TCP11L2: variants seen among roughly 807,000 people sequenced by gnomAD.
TCP11L2 encodes T-complex protein 11-like protein 2.
TCP11L2 carries 39 observed loss-of-function variants against 50.7 expected under a neutral mutation model. The observed-to-expected ratio is 0.77, with a 90% CI of 0.60 to 1.01. The LOEUF is 1.01. TCP11L2 is among the 50% of genes least tolerant of loss of function. The pLI, the probability that TCP11L2 is intolerant of heterozygous loss-of-function variation, is 0.00. For missense variants in TCP11L2, 612 were observed against 614.7 expected (o/e 1.00, Z 0.05); for synonymous variants, 192 against 219.3 (o/e 0.88, Z 1.10).
chr12:106,337,690 T>G (rs2136809200), intron 8 of TCP11L2, among the ~76,000 whole-genome samples: 1 of 152,340 alleles, frequency 6.6e-6, no homozygotes, highest in South Asian at 2.1e-4. Context: ...GAATATGTTC[T>G]CAAATTACTA....
rs980697370 is a variant in TCP11L2 at position 106,329,760 on chromosome 12, T to A, written c.773-5879T>A. 2.0e-5 allele frequency: 20 copies of A among 1,006,844 alleles called. No individual in the cohort carries two copies. In the African/African-American group the frequency reaches 3.4e-4, roughly 17 times the overall value. 62.4% of individuals were successfully genotyped at this position (1,006,844 alleles called of 1,614,324 possible). A position where few individuals can be genotyped will look rare whatever the true frequency, so the allele number is the denominator to read the frequency against. ...AGTATAAATGCTTATTACTGCCACA[T>A]TGTAATTATATTCACGATGATTTCC... On this transcript the variant is annotated intron_variant, in intron 6 of 9. Transcript: ENST00000299045.
intron 8 of TCP11L2, among the ~76,000 whole-genome samples, chr12:106,340,115 G>A (rs2036046562): frequency 6.6e-6 from 1 of 152,132 alleles, no homozygotes; most frequent in Admixed American, 6.5e-5. Context: ...CCATTTTGCA[G>A]AGTTATCTTA....
chr12:106,336,132 G>A lies in TCP11L2; in HGVS notation c.1061G>A (p.Gly354Asp). The A allele has an allele frequency of 6.2e-7, 1 of 1,614,038 alleles. No homozygotes were observed. The highest frequency in any genetic ancestry group is 8.5e-7 in the Non-Finnish European group (1 of 1,179,980). ...TCCCTAATTACCAACAACATGGTGG[G>A]TGCTATTACAGGAGGCCTGCCTGAG... The part of the protein sequence containing the change: ...CLSLITNNMV[G>D]AITGGLPELA... The change falls in exon 8 of 10, where the codon GGT (glycine) becomes GAT (aspartate). Residue 354 changes from glycine to aspartate, a missense_variant. Physicochemically the swap from Gly to Asp is moderately conservative, Grantham distance 94. Transcript: ENST00000299045.
intron 1 of TCP11L2, chr12:106,303,819 A>T (rs190277302): frequency 3.6e-4 from 55 of 152,364 alleles, no homozygotes; most frequent in Non-Finnish European, 6.6e-4. Context: ...CGGTTACTAA[A>T]TTATAGTAAA....
intron 9 of TCP11L2, among the ~76,000 whole-genome samples, chr12:106,345,953 G>A (rs948331756): frequency 2.6e-5 from 4 of 152,198 alleles, no homozygotes; most frequent in Non-Finnish European, 4.4e-5. Context: ...GCAAGCCCAG[G>A]CCTATTCTCA....
Position 106,329,618 on chromosome 12 carries a change from C to T in TCP11L2, c.772+5972C>T, listed in dbSNP as rs2035677554. ...TGAACTCTTTTTTTCCTTTTTAAAGCTCCCCAGGTGATTCTAAAGTCAGCC... is the reference window on the plus strand; with the variant it reads ...TGAACTCTTTTTTTCCTTTTTAAAGTTCCCCAGGTGATTCTAAAGTCAGCC... On this transcript the variant is annotated intron_variant, in intron 6 of 9. Transcript: ENST00000299045. 3.0e-6 allele frequency: 4 copies of T among 1,333,476 alleles called. No individual in the cohort carries two copies. In the East Asian group the frequency reaches 1.2e-4, roughly 38 times the overall value. The allele number at this position is 1,333,476 out of a possible 1,614,324, so 82.6% of individuals were successfully genotyped here.
rs950550423 is a variant in TCP11L2 at position 106,302,789 on chromosome 12, A to G, written c.-188A>G. 1 of 138,630 alleles carries G rather than the reference A, an allele frequency of 7.2e-6. No individual in the cohort carries two copies. Among genetic ancestry groups the G allele is most frequent in the Non-Finnish European group, 1.6e-5 (1 of 62,626 alleles). The allele number at this position is 138,630 out of a possible 1,614,324, so 8.6% of individuals were successfully genotyped here. A position where few individuals can be genotyped will look rare whatever the true frequency, so the allele number is the denominator to read the frequency against. ...CCTAGAGTCCCTCAGGGCCCTTTAAATACCGCGTTGGGGGGGACACTGGGG... is the reference window on the plus strand; with the variant it reads ...CCTAGAGTCCCTCAGGGCCCTTTAAGTACCGCGTTGGGGGGGACACTGGGG... On this transcript the variant is annotated 5_prime_UTR_variant, in exon 1 of 10. Coordinates refer to ENST00000299045, the MANE Select transcript of TCP11L2 (RefSeq NM_152772.3).
intron 3 of TCP11L2, 102 bp from the exon 4 acceptor site, chr12:106,318,242 G>A (rs1565844549): frequency 2.9e-6 from 4 of 1,359,682 alleles, no homozygotes; most frequent in Non-Finnish European, 4.0e-6. Flanking sequence ...ATTATTCTGT[G>A]TTTTTTTTAC....
At chr12:106,324,793 G>A (rs1463837271) in intron 6 of TCP11L2, 1 of 152,152 alleles carries the variant, frequency 6.6e-6, no homozygotes, top group African/African-American at 2.4e-5. Context: ...TTTTGGCCTC[G>A]TACAACCGGG....
chr12:106,316,452 T>C (rs1416698623), intron 3 of TCP11L2, among the ~76,000 whole-genome samples: 1 of 152,120 alleles, frequency 6.6e-6, no homozygotes, highest in Non-Finnish European at 1.5e-5. Flanking sequence ...CTTCCTTCCT[T>C]ACCTCAGGGT....
rs1042915160 is a variant in TCP11L2 at position 106,314,374 on chromosome 12, G to C, written c.174G>C (p.Arg58Ser). 1 of 1,611,244 alleles carries C rather than the reference G, an allele frequency of 6.2e-7. No homozygotes were observed. The highest frequency in any genetic ancestry group is 8.5e-7 in the Non-Finnish European group (1 of 1,177,650). The change falls in exon 3 of 10, where the codon AGG becomes AGC. Residue 58 changes from arginine to serine, a missense_variant. Physicochemically the swap from Arg to Ser is moderately radical, Grantham distance 110. Coordinates refer to ENST00000299045, the MANE Select transcript of TCP11L2 (RefSeq NM_152772.3). ...TTCTTTCAGCAACAAGCCCTCCAAG[G>C]GTTGTAACATTTGATGAAGTGATGG... ...SSSPASTSPP[R>S]VVTFDEVMAT...
chr12:106,345,307 A>T (rs146638703), intron 9 of TCP11L2, among the ~76,000 whole-genome samples: 8 of 152,048 alleles, frequency 5.3e-5, no homozygotes, highest in Non-Finnish European at 8.8e-5. Context: ...CATGTAATTT[A>T]TTGTTCAACC....
chr12:106,302,405 TCAGCCCCCG>T (rs2034448101), upstream of TCP11L2, among the ~76,000 whole-genome samples: 1 of 48,350 alleles, frequency 2.1e-5, no homozygotes, highest in Admixed American at 2.0e-4. Flanking sequence ...CAGCCCCCGC[TCAGCCCCCG>T]CTCCCCCACT....
rs973260368 is a variant in TCP11L2 at position 106,346,924 on chromosome 12, A to G, written c.*394A>G. On this transcript the variant is annotated 3_prime_UTR_variant, in exon 10 of 10. Transcript: ENST00000299045. ...AAACCTAATGGTTTTTAATTTTGGT[A>G]CAACTCCTTAAAGGGTTGAAGGTTG... is the stretch of plus-strand genomic sequence containing the variant. 1 of 161,014 alleles carries G rather than the reference A, an allele frequency of 6.2e-6. No individual in the cohort carries two copies. Among genetic ancestry groups the G allele is most frequent in the Admixed American group, 6.2e-5 (1 of 16,244 alleles). The allele number at this position is 161,014 out of a possible 1,614,324, so 10.0% of individuals were successfully genotyped here.
chr12:106,322,012 A>T (rs1001790377), intron 5 of TCP11L2, among the ~76,000 whole-genome samples: 5 of 152,172 alleles, frequency 3.3e-5, no homozygotes, highest in African/African-American at 1.2e-4. Context: ...ATTAATTACA[A>T]TTGTGATAAG....
chr12:106,321,580 A>C lies in TCP11L2; in HGVS notation c.509A>C (p.His170Pro). ...GACCTCATTAGGCAGCAGGCTGAGC[A>C]CAGTGCTGTTGACATCCAAGGCCTG... ...DTDLIRQQAE[H>P]SAVDIQGLAN... The change falls in exon 5 of 10, where the codon CAC (histidine) becomes CCC (proline). Residue 170 changes from histidine (H) to proline (P), a missense_variant. His to Pro is a moderately conservative substitution (Grantham distance 77, BLOSUM62 -2). Transcript: ENST00000299045. The C allele has an allele frequency of 6.2e-7, 1 of 1,614,248 alleles. No homozygotes were observed. The highest frequency in any genetic ancestry group is 8.5e-7 in the Non-Finnish European group (1 of 1,180,036).
chr12:106,307,545 A>G (rs2034681270), intron 1 of TCP11L2, among the ~76,000 whole-genome samples: 1 of 152,242 alleles, frequency 6.6e-6, no homozygotes, highest in Non-Finnish European at 1.5e-5. Flanking sequence ...AGCAATCTAA[A>G]TATCCTCAGT....
chr12:106,311,203 A>T lies in TCP11L2; in HGVS notation c.128A>T (p.Asp43Val). 9 of 1,613,550 alleles carry T rather than the reference A, an allele frequency of 5.6e-6. No individual in the cohort carries two copies. Among genetic ancestry groups the T allele is most frequent in the Non-Finnish European group, 7.6e-6 (9 of 1,179,826 alleles). Residue 43 changes from aspartate (D) to valine (V), a missense_variant, in exon 2 of 10, where the codon GAC becomes GTC. Coordinates refer to ENST00000299045, the MANE Select transcript of TCP11L2 (RefSeq NM_152772.3). Reference sequence around the variant, plus strand: ...TGCTCCAGGCAGAGCTTTGCAAGTGACTCCTCCAGCAAATCCAGCTCTCCT... The same window carrying T: ...TGCTCCAGGCAGAGCTTTGCAAGTGTCTCCTCCAGCAAATCCAGCTCTCCT... ...YECSRQSFAS[D>V]SSSKSSSPAS...
At chr12:106,309,004 T>C (rs1325693350) in intron 1 of TCP11L2, among the ~76,000 whole-genome samples, 1 of 152,186 alleles carries the variant, frequency 6.6e-6, no homozygotes, top group African/African-American at 2.4e-5. Context: ...GTCATGGAGA[T>C]ACAGGAGACG....
Sources: gnomAD v4.1 joint callset for allele counts (sites outside exome capture counted in the v4.1 genomes callset) on GRCh38, gnomAD v4.1.1 for gene constraint, MANE v1.5 for transcripts, NCBI Gene and HGNC (gene_info 2026-07-23, HGNC 2026-07-21) for gene names.